The following CXCL13 variants were observed in gnomAD, a reference collection of about 807,000 sequenced individuals.
CXCL13 encodes C-X-C motif chemokine 13.
Under a neutral mutation model 12.2 loss-of-function variants are expected in CXCL13, and 7 were observed. The observed-to-expected ratio is 0.57, with a 90% confidence interval of 0.33 to 1.07. The LOEUF (loss-of-function observed/expected upper bound fraction) is 1.07. Among genes scored for constraint, CXCL13 ranks in the 50% least tolerant of loss-of-function variants. The pLI is 0.04. For synonymous variants in CXCL13, 47 were observed against 42.4 expected (o/e 1.11, Z -0.42); for missense variants, 113 against 127.4 (o/e 0.89, Z 0.55).
chr4:77,526,495 T>C (rs566754271), intron 1 of CXCL13, among the ~76,000 whole-genome samples: 3 of 151,810 alleles, frequency 2.0e-5, no homozygotes, highest in Non-Finnish European at 4.4e-5. Context: ...AGGCAAATGA[T>C]GGAAAACACA....
At chr4:77,528,025 C>T (rs906794873) in intron 1 of CXCL13, among the ~76,000 whole-genome samples, 30 of 151,952 alleles carry the variant, frequency 2.0e-4, no homozygotes, top group African/African-American at 2.9e-4. Flanking sequence ...TGAGAACATG[C>T]GGTGTTTGGT....
At chr4:77,518,180 G>A (rs2110078628) in intron 1 of CXCL13, among the ~76,000 whole-genome samples, 1 of 152,310 alleles carries the variant, frequency 6.6e-6, no homozygotes, top group South Asian at 2.1e-4. Flanking sequence ...AGTCTGATGG[G>A]CTTCCCTTTG....
chr4:77,607,959 C>A, intron 2 of CXCL13, 124 bp downstream of exon 2: 1 of 981,776 alleles, frequency 1.0e-6, no homozygotes, highest in Non-Finnish European at 1.5e-6. Context: ...TAAAAATTCT[C>A]AAACTAATAA....
intron 1 of CXCL13, among the ~76,000 whole-genome samples, chr4:77,568,349 G>A (rs576453010): frequency 2.6e-5 from 4 of 152,166 alleles, no homozygotes; most frequent in Non-Finnish European, 5.9e-5. Context: ...GTGCCCCATA[G>A]CAGCACACCT....
At chr4:77,592,439 G>A (rs1193720069) in intron 1 of CXCL13, among the ~76,000 whole-genome samples, 1 of 152,126 alleles carries the variant, frequency 6.6e-6, no homozygotes, top group African/African-American at 2.4e-5. Context: ...AGGGGAATGG[G>A]GAGATATTGG....
At chr4:77,604,695 T>C (rs1045840309), upstream of CXCL13, among the ~76,000 whole-genome samples, 11 of 152,140 alleles carry the variant, frequency 7.2e-5, no homozygotes, top group South Asian at 8.3e-4. Context: ...AGAACTGCTT[T>C]TGTGTGAAGG....
At chr4:77,575,257 A>G (rs1468426628) in intron 1 of CXCL13, among the ~76,000 whole-genome samples, 1 of 151,916 alleles carries the variant, frequency 6.6e-6, no homozygotes, top group Non-Finnish European at 1.5e-5. Context: ...GAAATCCGGA[A>G]TTCTATCTAA....
intron 1 of CXCL13, among the ~76,000 whole-genome samples, chr4:77,553,466 A>G (rs1334088259): frequency 6.6e-6 from 1 of 152,222 alleles, no homozygotes; most frequent in African/African-American, 2.4e-5. Context: ...TCTTTCCCTC[A>G]TAGCACCTTC....
At chr4:77,516,798 T>G (rs1724433176) in intron 1 of CXCL13, among the ~76,000 whole-genome samples, 1 of 152,230 alleles carries the variant, frequency 6.6e-6, no homozygotes, top group Admixed American at 6.5e-5. Context: ...TTTTTGTGTC[T>G]CTATTTCCTT....
intron 1 of CXCL13, among the ~76,000 whole-genome samples, chr4:77,582,395 G>T (rs1726360115): frequency 2.0e-5 from 3 of 152,172 alleles, no homozygotes; most frequent in African/African-American, 7.2e-5. Flanking sequence ...ACCTAGATCG[G>T]GTAGGCAGTG....
chr4:77,512,069 G>A (rs189789031), intron 1 of CXCL13, among the ~76,000 whole-genome samples: 3 of 152,284 alleles, frequency 2.0e-5, no homozygotes, highest in East Asian at 3.9e-4. Flanking sequence ...AGGACTAACC[G>A]TTCAGAACAT....
At chr4:77,558,613 AAAGTGCTGGAAT>A (rs1236646479) in intron 1 of CXCL13, among the ~76,000 whole-genome samples, 1 of 152,228 alleles carries the variant, frequency 6.6e-6, no homozygotes, top group Admixed American at 6.5e-5. Context: ...TTGGCCTTCC[AAAGTGCTGGAAT>A]TACAGGAATG....
At chr4:77,529,544 G>A (rs201884754) in intron 1 of CXCL13, among the ~76,000 whole-genome samples, 4 of 152,254 alleles carry the variant, frequency 2.6e-5, no homozygotes, top group East Asian at 3.9e-4. Context: ...TGAAGCAATT[G>A]TGAATGGGAG....
chr4:77,593,411 C>T lies in CXCL13; in HGVS notation c.-42-12413C>T, dbSNP rs754863611. 4.6e-5 allele frequency among the ~76,000 whole-genome samples: 7 copies of T among 152,186 alleles called. No homozygotes were observed. The South Asian group carries it at 1.2e-3, about 27-fold the overall frequency. The stretch of plus-strand genomic sequence containing the variant: ...AGGAATCATACCTAAGTTCGAGAGT[C>T]GTCACTGGTGCCATCACGATGAATG... On this transcript the variant is annotated intron_variant, in intron 1 of 4. Transcript: ENST00000286758.
At chr4:77,514,882 G>A (rs1335500058) in intron 1 of CXCL13, among the ~76,000 whole-genome samples, 5 of 152,122 alleles carry the variant, frequency 3.3e-5, no homozygotes, top group South Asian at 2.1e-4. Flanking sequence ...GTCCTTACCC[G>A]TGCCTATGTC....
chr4:77,515,505 C>T (rs549170208), intron 1 of CXCL13, among the ~76,000 whole-genome samples: 1 of 152,248 alleles, frequency 6.6e-6, no homozygotes, highest in Non-Finnish European at 1.5e-5. Context: ...TGTAGTTCTC[C>T]TTGAGGAGGT....
chr4:77,521,085 T>G (rs1405055450), intron 1 of CXCL13, among the ~76,000 whole-genome samples: 1 of 152,148 alleles, frequency 6.6e-6, no homozygotes, highest in African/African-American at 2.4e-5. Flanking sequence ...TCGTGTTGGG[T>G]AAGATTTTTG....
chr4:77,599,960 A>G (rs759364565), intron 1 of CXCL13, among the ~76,000 whole-genome samples: 1 of 152,184 alleles, frequency 6.6e-6, no homozygotes, highest in Admixed American at 6.5e-5. Flanking sequence ...TTAGAGACCA[A>G]ATAGATATGG....
chr4:77,588,940 C>T (rs1726544445), intron 1 of CXCL13, among the ~76,000 whole-genome samples: 1 of 152,150 alleles, frequency 6.6e-6, no homozygotes. Context: ...TGAAAATTAC[C>T]CCCATGGTTG....
Sources: gnomAD v4.1 joint callset for allele counts (sites outside exome capture counted in the v4.1 genomes callset) on GRCh38, gnomAD v4.1.1 for gene constraint, MANE v1.5 for transcripts, NCBI Gene and HGNC (gene_info 2026-07-23, HGNC 2026-07-21) for gene names.